Variants in GIMAP8 observed in about 807,000 individuals in gnomAD.
GIMAP8 encodes GTPase, IMAP family member 8.
GIMAP8 carries 29 observed loss-of-function variants against 35.6 expected under a neutral mutation model. The ratio of observed to expected loss-of-function variants is 0.81; its 90% CI spans 0.61 to 1.11. The LOEUF is 1.11. GIMAP8 is among the 50% of genes most tolerant of loss of function. GIMAP8 has a pLI of 0.00. For missense variants in GIMAP8, 811 were observed against 805.0 expected, an observed-to-expected ratio of 1.01 and a Z score of -0.09; for synonymous variants, 335 against 308.7, an observed-to-expected ratio of 1.09 and a Z score of -0.89.
chr7:150,454,750 T>G (rs909435230), intron 1 of GIMAP8, among the ~76,000 whole-genome samples: 16 of 152,220 alleles, frequency 1.1e-4, no homozygotes, highest in African/African-American at 3.9e-4. Flanking sequence ...GCATTTGAAA[T>G]AAAAAGGTAG....
rs1014522962 is a variant in GIMAP8, at chr7:150,479,208, G to T, written c.*1428G>T. The T allele has an allele frequency of 6.6e-6, 1 of 152,154 alleles. No homozygotes were observed. The highest frequency in any genetic ancestry group is 1.9e-4 in the East Asian group (1 of 5,196). 9.4% of individuals were successfully genotyped at this position (152,154 alleles called of 1,614,324 possible). ...GGTGAAGATTGAAAAGCTGCCTATTGCGTGTTATGCTGGTTTCCTGGGTGA... is the reference window on the plus strand; with the variant it reads ...GGTGAAGATTGAAAAGCTGCCTATTTCGTGTTATGCTGGTTTCCTGGGTGA... On this transcript the variant is annotated 3_prime_UTR_variant, in exon 5 of 5. Coordinates refer to ENST00000307271, the MANE Select transcript of GIMAP8 (RefSeq NM_175571.4).
intron 1 of GIMAP8, among the ~76,000 whole-genome samples, chr7:150,461,699 T>A (rs545215726): frequency 6.6e-6 from 1 of 152,346 alleles, no homozygotes; most frequent in Non-Finnish European, 1.5e-5. Context: ...GTGAATTTAA[T>A]CCATTTACAT....
At chr7:150,454,961 A>G (rs1239418971) in intron 1 of GIMAP8, among the ~76,000 whole-genome samples, 2 of 152,060 alleles carry the variant, frequency 1.3e-5, no homozygotes, top group African/African-American at 4.8e-5. Context: ...CAACATGGAG[A>G]AACCCCATCT....
chr7:150,463,232 G>A (rs1300889013), intron 1 of GIMAP8, among the ~76,000 whole-genome samples: 1 of 151,880 alleles, frequency 6.6e-6, no homozygotes, highest in Non-Finnish European at 1.5e-5. Flanking sequence ...TTCTCATTCA[G>A]ATCATGAATT....
chr7:150,466,782 T>C lies in GIMAP8; in HGVS notation c.84T>C (p.Asn28=). 4 of 1,614,222 alleles carry C rather than the reference T, an allele frequency of 2.5e-6. No homozygotes were observed. Among genetic ancestry groups the C allele is most frequent in the Non-Finnish European group, 3.4e-6 (4 of 1,180,042 alleles). The change falls in exon 2 of 5, where the codon AAT becomes AAC. Residue 28 remains asparagine, a synonymous_variant. Transcript: ENST00000307271. The stretch of plus-strand genomic sequence containing the variant: ...GCTCGGGAAAAAGTGCCACAGGAAA[T>C]GCCATTCTGGGCAAACATGTGTTCA... The part of the protein sequence containing the change: ...KCRSGKSATG[N]AILGKHVFKS...
chr7:150,463,850 A>G (rs1424211622), intron 1 of GIMAP8, among the ~76,000 whole-genome samples: 1 of 152,166 alleles, frequency 6.6e-6, no homozygotes, highest in African/African-American at 2.4e-5. Context: ...TTGGGCTCCC[A>G]GGTGGTGTGT....
At chr7:150,454,775 C>T (rs1191377938) in intron 1 of GIMAP8, among the ~76,000 whole-genome samples, 1 of 152,192 alleles carries the variant, frequency 6.6e-6, no homozygotes, top group Non-Finnish European at 1.5e-5. Flanking sequence ...TGTCTCAATA[C>T]ATTTTTAAAT....
intron 1 of GIMAP8, among the ~76,000 whole-genome samples, chr7:150,463,039 T>G (rs1264184997): frequency 4.6e-5 from 7 of 152,140 alleles, no homozygotes; most frequent in Non-Finnish European, 2.9e-5. Flanking sequence ...TAAAAAAGTT[T>G]TTTTTATCCA....
At position 150,452,675 on chromosome 7, in the gene GIMAP8, GATATATATATATATATATATAT is replaced by G. The variant is rs373374121; in HGVS notation, c.-29+1514_-29+1535del. 1.8e-3 allele frequency among the ~76,000 whole-genome samples: 147 copies of G among 79,664 alleles called. 1 individual carries two copies. The highest frequency in any genetic ancestry group is 7.4e-3 in the African/African-American group (140 of 18,844). 52.3% of individuals were successfully genotyped at this position (79,664 alleles called of 152,430 possible). A position where few individuals can be genotyped will look rare whatever the true frequency, so the allele number is the denominator to read the frequency against. On this transcript the variant is annotated intron_variant, in intron 1 of 4. Transcript: ENST00000307271. The stretch of plus-strand genomic sequence containing the variant: ...TATATGTGTGTGTGTGTGTGTGTGA[GATATATATATATATATATATAT>G]ATATATATATATACATGCGAGTGGA...
rs1801967687 is a variant in GIMAP8, at chr7:150,466,794, C to A, written c.96C>A (p.Gly32=). The part of the protein sequence containing the change: ...GKSATGNAIL[G]KHVFKSKFSD... The stretch of plus-strand genomic sequence containing the variant: ...GTGCCACAGGAAATGCCATTCTGGG[C>A]AAACATGTGTTCAAGTCCAAGTTCA... The change falls in exon 2 of 5, where the codon GGC becomes GGA. Residue 32 remains glycine, a synonymous_variant. Coordinates refer to ENST00000307271, the MANE Select transcript of GIMAP8 (RefSeq NM_175571.4). 2 of 1,614,088 alleles carry A rather than the reference C, an allele frequency of 1.2e-6. No homozygotes were observed. The highest frequency in any genetic ancestry group is 1.1e-5 in the South Asian group (1 of 91,090).
At chr7:150,473,439 T>C (rs897423220) in intron 3 of GIMAP8, among the ~76,000 whole-genome samples, 4 of 150,814 alleles carry the variant, frequency 2.7e-5, no homozygotes, top group African/African-American at 9.8e-5. Context: ...AGAGAAACAC[T>C]ATCCAGATTT....
At position 150,477,571 on chromosome 7, in the gene GIMAP8, C is replaced by A. The variant is rs200127471; in HGVS notation, c.1789C>A (p.Arg597=). The change falls in exon 5 of 5, where the codon CGA becomes AGA. Residue 597 remains arginine, a synonymous_variant. Transcript: ENST00000307271. ...GCGCATTTTTAAAAAGTGTGGGCGG[C>A]GAGTTTGTGCTTTTAACAACAAAGA... The part of the protein sequence containing the change: ...LRRIFKKCGR[R]VCAFNNKETG... 3 of 1,614,030 alleles carry A rather than the reference C, an allele frequency of 1.9e-6. No homozygotes were observed. The highest frequency in any genetic ancestry group is 1.7e-5 in the Admixed American group (1 of 60,002).
intron 1 of GIMAP8, among the ~76,000 whole-genome samples, chr7:150,456,986 A>T (rs1437152662): frequency 6.6e-6 from 1 of 152,210 alleles, no homozygotes. Context: ...ACCCCAACCC[A>T]GTGGTGCTAG....
In GIMAP8 at chr7:150,477,395, C is replaced by A. The variant is rs1200625902; in HGVS notation, c.1613C>A (p.Thr538Asn). 6.2e-7 allele frequency: 1 copy of A among 1,614,190 alleles called. No homozygotes were observed. Among genetic ancestry groups the A allele is most frequent in the Non-Finnish European group, 8.5e-7 (1 of 1,180,032 alleles). Reference sequence around the variant, plus strand: ...CTGGTGTTCCAGCTGGGACGATTCACTGAAGAGGACAAAACAGCTGTGGCG... The same window carrying A: ...CTGGTGTTCCAGCTGGGACGATTCAATGAAGAGGACAAAACAGCTGTGGCG... Reference protein sequence around the residue: ...FVLVFQLGRFTEEDKTAVAKL... With the variant: ...FVLVFQLGRFNEEDKTAVAKL... The change falls in exon 5 of 5, where the codon ACT (threonine) becomes AAT (asparagine). Residue 538 changes from threonine to asparagine, a missense_variant. Coordinates refer to ENST00000307271, the MANE Select transcript of GIMAP8 (RefSeq NM_175571.4).
chr7:150,466,934 A>T lies in GIMAP8; in HGVS notation c.236A>T (p.Lys79Met). The T allele has an allele frequency of 6.2e-7, 1 of 1,614,242 alleles. No homozygotes were observed. Among genetic ancestry groups the T allele is most frequent in the South Asian group, 1.1e-5 (1 of 91,082 alleles). ...TCCTCAATAGCTTGTGCTGAAGACA[A>T]GCAACGCAACATCCAACACTGCTTG... ...LFSSIACAEDKQRNIQHCLEL... is the reference protein window; with the variant it reads ...LFSSIACAEDMQRNIQHCLEL... Residue 79 changes from lysine to methionine, a missense_variant, in exon 2 of 5, where the codon AAG becomes ATG. Transcript: ENST00000307271.
At position 150,450,864 on chromosome 7, in the gene GIMAP8, GT is replaced by G. The variant is rs1801587938; in HGVS notation, c.-339del. The stretch of plus-strand genomic sequence containing the variant: ...CGGGCTCCTCAGTTTCTGCTGTGTT[GT>G]GACCCCACGAGGCGCTCAGCACCCA... On this transcript the variant is annotated 5_prime_UTR_variant, in exon 1 of 5. Transcript: ENST00000307271. The surrounding 1 kb of genome is among the most constrained non-coding windows in gnomAD (Gnocchi z 4.4). 1 of 152,654 alleles carries G rather than the reference GT, an allele frequency of 6.6e-6. No individual in the cohort carries two copies. The highest frequency in any genetic ancestry group is 2.4e-5 in the African/African-American group (1 of 41,462). The allele number at this position is 152,654 out of a possible 1,614,324, so 9.5% of individuals were successfully genotyped here. A position where few individuals can be genotyped will look rare whatever the true frequency, so the allele number is the denominator to read the frequency against.
rs758668369 is a variant in GIMAP8, at chr7:150,477,554, T to C, written c.1772T>C (p.Phe591Ser). The change falls in exon 5 of 5, where the codon TTT becomes TCT. Residue 591 changes from phenylalanine (F) to serine (S), a missense_variant. Transcript: ENST00000307271. ...NSDNKALRRI[F>S]KKCGRRVCAF... ...GATAACAAAGCCCTTCGGCGCATTT[T>C]TAAAAAGTGTGGGCGGCGAGTTTGT... 33 of 1,613,920 alleles carry C rather than the reference T, an allele frequency of 2.0e-5. No individual in the cohort carries two copies. The East Asian group carries it at 7.1e-4, about 35-fold the overall frequency.
At position 150,477,768 on chromosome 7, in the gene GIMAP8, T is replaced by C; in HGVS notation, c.1986T>C (p.Gly662=). 6.2e-7 allele frequency: 1 copy of C among 1,612,100 alleles called. No individual in the cohort carries two copies. Among genetic ancestry groups the C allele is most frequent in the Non-Finnish European group, 8.5e-7 (1 of 1,179,182 alleles). The change falls in exon 5 of 5, where the codon GGT becomes GGC. Residue 662 remains glycine (G), a synonymous_variant. Transcript: ENST00000307271. ...AAAAACTCCTTAAAAATTTAATAGGTATTTTACAATAGGTAGCCGAAGTGC... is the reference window on the plus strand; with the variant it reads ...AAAAACTCCTTAAAAATTTAATAGGCATTTTACAATAGGTAGCCGAAGTGC... The part of the protein sequence containing the change: ...QAEKLLKNLI[G]ILQ
intron 2 of GIMAP8, among the ~76,000 whole-genome samples, chr7:150,469,366 T>G (rs112058626): frequency 5.9e-4 from 90 of 152,336 alleles, no homozygotes; most frequent in African/African-American, 1.9e-3. Context: ...CTTCCTTTCC[T>G]CATGGCAATG....
Sources: gnomAD v4.1 joint callset for allele counts (sites outside exome capture counted in the v4.1 genomes callset) on GRCh38, gnomAD v4.1.1 for gene constraint, Gnocchi (gnomAD v3.1) non-coding constraint, MANE v1.5 for transcripts, NCBI Gene and HGNC (gene_info 2026-07-23, HGNC 2026-07-21) for gene names.